CSMD1: variants seen among roughly 807,000 people sequenced by gnomAD.
CSMD1 encodes the protein CUB and sushi domain-containing protein 1.
CSMD1 carries 213 observed loss-of-function variants against 417.5 expected under a neutral mutation model. The observed-to-expected ratio is 0.51, with a 90% CI of 0.46 to 0.57. The LOEUF is 0.57. Ranked by LOEUF, CSMD1 falls within the 20% of genes least tolerant of loss-of-function variation. The probability of loss-of-function intolerance (pLI) is 0.00; values close to 1 mark genes in which losing one functional copy is unlikely to be tolerated. For missense variants in CSMD1, 6,923 were observed against 4,529.7 expected, an observed-to-expected ratio of 1.53 and a Z score of -15.17; for synonymous variants, 2,862 against 1,736.8, an observed-to-expected ratio of 1.65 and a Z score of -16.11.
intron 3 of CSMD1, among the ~76,000 whole-genome samples, chr8:4,040,736 G>C (rs187802817): frequency 2.0e-5 from 3 of 152,136 alleles, no homozygotes; most frequent in African/African-American, 7.2e-5. Context: ...CTGCAGCAAA[G>C]TCAAAAACAA....
chr8:4,766,028 T>G (rs1257611743), intron 1 of CSMD1, among the ~76,000 whole-genome samples: 1 of 152,212 alleles, frequency 6.6e-6, no homozygotes, highest in Non-Finnish European at 1.5e-5. Flanking sequence ...TTTTTTAATC[T>G]TTACATAAAT....
chr8:3,155,359 ATTTTTTTTTTT>A (rs556304192), intron 39 of CSMD1, among the ~76,000 whole-genome samples: 16 of 43,324 alleles, frequency 3.7e-4, no homozygotes, highest in South Asian at 9.8e-4. Flanking sequence ...CAAGGCTGGG[ATTTTTTTTTTT>A]TTTTTTTTTT....
At chr8:3,294,169 C>G (rs967170507) in intron 25 of CSMD1, among the ~76,000 whole-genome samples, 1 of 152,180 alleles carries the variant, frequency 6.6e-6, no homozygotes, top group Non-Finnish European at 1.5e-5. Flanking sequence ...ATGCTGCTGT[C>G]TGATCATTCC....
At chr8:4,728,912 A>G (rs1809654304) in intron 1 of CSMD1, among the ~76,000 whole-genome samples, 1 of 152,208 alleles carries the variant, frequency 6.6e-6, no homozygotes, top group Non-Finnish European at 1.5e-5. Flanking sequence ...TTTGTCTTTG[A>G]GCATTACAAC....
chr8:4,658,425 A>G (rs1804377688), intron 1 of CSMD1, among the ~76,000 whole-genome samples: 1 of 152,166 alleles, frequency 6.6e-6, no homozygotes, highest in African/African-American at 2.4e-5. Context: ...AAATTCCTGG[A>G]GGCCAGAAGC....
At chr8:3,944,311 T>G (rs937875076) in intron 5 of CSMD1, among the ~76,000 whole-genome samples, 4 of 152,106 alleles carry the variant, frequency 2.6e-5, no homozygotes, top group African/African-American at 9.7e-5. Flanking sequence ...CCCGGATAAT[T>G]AACTTTTGCA....
At chr8:3,720,620 T>TTCTCACACACACAC (rs72331833) in intron 6 of CSMD1, among the ~76,000 whole-genome samples, 19,487 of 143,212 alleles carry the variant, frequency 0.14, 1,717 homozygotes, top group South Asian at 0.31. Context: ...TCTTTATTCT[T>TTCTCACACACACAC]ACACACACAC....
chr8:3,269,452 C>G (rs536448583), intron 26 of CSMD1, among the ~76,000 whole-genome samples: 1 of 152,210 alleles, frequency 6.6e-6, no homozygotes, highest in Admixed American at 6.5e-5. Flanking sequence ...TGGGCAGCAC[C>G]AAAGGCCTCT....
chr8:3,313,141 T>C (rs1357415724), intron 23 of CSMD1, among the ~76,000 whole-genome samples: 1 of 152,206 alleles, frequency 6.6e-6, no homozygotes, highest in Non-Finnish European at 1.5e-5. Flanking sequence ...AAGACTTAAA[T>C]GTTAGACCTA....
chr8:2,962,218 A>G (rs1473208264), intron 61 of CSMD1, among the ~76,000 whole-genome samples: 2 of 152,222 alleles, frequency 1.3e-5, no homozygotes, highest in African/African-American at 4.8e-5. Context: ...AGAGCCACTG[A>G]GGTCAGAGAA....
chr8:3,468,904 C>CTAA, intron 11 of CSMD1, 80 bp from the exon 12 acceptor site: 1 of 860,544 alleles, frequency 1.2e-6, no homozygotes, highest in Non-Finnish European at 1.8e-6. Flanking sequence ...GGTCTTGCTG[C>CTAA]TTTAAACAGC....
At chr8:4,081,916 TG>T (rs1800155493) in intron 3 of CSMD1, among the ~76,000 whole-genome samples, 2 of 152,168 alleles carry the variant, frequency 1.3e-5, no homozygotes, top group South Asian at 4.1e-4. Flanking sequence ...TGGGGGAGTG[TG>T]TAGCTTAAAT....
At chr8:3,525,772 G>A (rs537263807) in intron 10 of CSMD1, among the ~76,000 whole-genome samples, 38 of 152,272 alleles carry the variant, frequency 2.5e-4, no homozygotes, top group African/African-American at 8.4e-4. Context: ...ACATCACGTT[G>A]TAAGAATTTC....
intron 39 of CSMD1, among the ~76,000 whole-genome samples, chr8:3,154,979 T>C (rs1426099330): frequency 6.6e-6 from 1 of 152,190 alleles, no homozygotes; most frequent in Non-Finnish European, 1.5e-5. Flanking sequence ...TCATGGGTCA[T>C]GTGTGAGTTT....
chr8:3,090,380 G>A (rs1422799143), intron 48 of CSMD1, among the ~76,000 whole-genome samples: 2 of 147,446 alleles, frequency 1.4e-5, no homozygotes, highest in East Asian at 4.1e-4. Context: ...GGAGTTTGCT[G>A]AATGCAAATC....
chr8:3,800,552 G>A (rs1313216660), intron 5 of CSMD1, among the ~76,000 whole-genome samples: 1 of 152,050 alleles, frequency 6.6e-6, no homozygotes, highest in African/African-American at 2.4e-5. Flanking sequence ...GTATGCAATG[G>A]CTTGGATATG....
At chr8:4,528,945 G>A (rs1472979134) in intron 2 of CSMD1, among the ~76,000 whole-genome samples, 1 of 152,112 alleles carries the variant, frequency 6.6e-6, no homozygotes, top group East Asian at 1.9e-4. Context: ...ATACCCCAGG[G>A]AACATACTGT....
intron 1 of CSMD1, among the ~76,000 whole-genome samples, chr8:4,679,761 A>C (rs1805921206): frequency 6.6e-6 from 1 of 152,210 alleles, no homozygotes; most frequent in South Asian, 2.1e-4. Context: ...TCTTTAAATG[A>C]AGCTTTATGC....
chr8:3,953,986 C>A (rs1030787226), intron 5 of CSMD1, among the ~76,000 whole-genome samples: 1 of 152,190 alleles, frequency 6.6e-6, no homozygotes, highest in Non-Finnish European at 1.5e-5. Context: ...CTTCCTTCCT[C>A]TGGTGGTGAT....
Sources: allele counts gnomAD v4.1 joint callset (sites outside exome capture counted in the v4.1 genomes callset), GRCh38; gene constraint gnomAD v4.1.1; transcripts MANE v1.5; gene names NCBI Gene and HGNC (gene_info 2026-07-23, HGNC 2026-07-21).